Variants in ZPBP observed in about 807,000 individuals in gnomAD.
ZPBP encodes the protein zona pellucida-binding protein 1.
In ZPBP, 26 loss-of-function variants were observed where a neutral mutation model predicts 44.8. That is an observed-to-expected ratio of 0.58 (90% CI 0.43 to 0.81). The LOEUF (loss-of-function observed/expected upper bound fraction) is 0.81. Among genes scored for constraint, ZPBP ranks in the 30% least tolerant of loss-of-function variants. ZPBP has a pLI of 0.00. For synonymous variants in ZPBP, 174 were observed against 153.2 expected (o/e 1.14, Z -1.00); for missense variants, 409 against 434.0 (o/e 0.94, Z 0.51).
chr7:50,011,445 T>A (rs1798579241), intron 6 of ZPBP, among the ~76,000 whole-genome samples: 1 of 152,110 alleles, frequency 6.6e-6, no homozygotes, highest in Non-Finnish European at 1.5e-5. Context: ...GCCCACAAAG[T>A]CTAAAATATT....
chr7:50,014,557 C>A (rs931049882), intron 6 of ZPBP, among the ~76,000 whole-genome samples: 2 of 150,714 alleles, frequency 1.3e-5, no homozygotes, highest in Non-Finnish European at 3.0e-5. Flanking sequence ...CTTCACCTCC[C>A]GGGTTCAAGT....
chr7:50,001,468 A>C (rs752753719), intron 6 of ZPBP, among the ~76,000 whole-genome samples: 1 of 152,188 alleles, frequency 6.6e-6, no homozygotes, highest in African/African-American at 2.4e-5. Flanking sequence ...GGGGGAAAAA[A>C]ACTTAAGAAA....
intron 2 of ZPBP, among the ~76,000 whole-genome samples, chr7:49,887,437 T>C (rs975814325): frequency 1.4e-4 from 21 of 152,246 alleles, no homozygotes; most frequent in Non-Finnish European, 2.9e-4. Context: ...TAAATGTGGT[T>C]ATATAATTGA....
At chr7:49,863,379 G>A (rs2128941) in intron 2 of ZPBP, among the ~76,000 whole-genome samples, 63,015 of 151,890 alleles carry the variant, frequency 0.41, 13,459 homozygotes, top group Non-Finnish European at 0.47. Context: ...TGTCAGTTTT[G>A]TTGATCTTTA....
chr7:50,028,826 T>A (rs1270624845), intron 5 of ZPBP, among the ~76,000 whole-genome samples: 8 of 128,722 alleles, frequency 6.2e-5, no homozygotes, highest in African/African-American at 2.6e-4. Flanking sequence ...AAAATGCTGC[T>A]GAAAGAAATT....
In ZPBP at chr7:49,902,824, A is replaced by T. The variant is rs1792843822; in HGVS notation, n.412-1609T>A. 2.0e-5 allele frequency among the ~76,000 whole-genome samples: 3 copies of T among 152,130 alleles called. 1 individual carries two copies. In the South Asian group the frequency reaches 6.2e-4, roughly 31 times the overall value. On this transcript the variant is annotated intron_variant and non_coding_transcript_variant, in intron 1 of 2. Transcript: ENST00000465922. ...TTCTTTTATCAAAGACCCCTTTAAG[A>T]TGATAGAAAGCTACAAGCTCAGATA...
intron 3 of ZPBP, among the ~76,000 whole-genome samples, chr7:50,058,751 G>A (rs745355804): frequency 2.1e-4 from 32 of 152,118 alleles, no homozygotes; most frequent in Non-Finnish European, 3.8e-4. Flanking sequence ...TGCAGTGCTG[G>A]GGGTTAGAAT....
chr7:49,990,798 T>C (rs1254670055), intron 6 of ZPBP, among the ~76,000 whole-genome samples: 2 of 152,184 alleles, frequency 1.3e-5, no homozygotes, highest in Non-Finnish European at 2.9e-5. Flanking sequence ...TGAATAAATA[T>C]GACTGGAACA....
At chr7:49,874,789 C>T (rs1451007432) in intron 2 of ZPBP, among the ~76,000 whole-genome samples, 4 of 152,158 alleles carry the variant, frequency 2.6e-5, no homozygotes, top group Non-Finnish European at 1.5e-5. Flanking sequence ...AGGAGCCTCA[C>T]GTCTCACTTG....
chr7:49,909,360 A>T (rs145424678), intron 1 of ZPBP, among the ~76,000 whole-genome samples: 1 of 8,774 alleles, frequency 1.1e-4, no homozygotes. Flanking sequence ...AGCTCGAGCC[A>T]AAATATGAGT....
rs546835836 is a variant in ZPBP at position 49,931,302 on chromosome 7, G to A, written n.411+4449C>T. 5.3e-5 allele frequency among the ~76,000 whole-genome samples: 8 copies of A among 152,314 alleles called. No individual in the cohort carries two copies. The South Asian group carries it at 1.2e-3, about 24-fold the overall frequency. On this transcript the variant is annotated intron_variant and non_coding_transcript_variant, in intron 1 of 2. Coordinates refer to the ZPBP transcript ENST00000465922. Reference sequence around the variant, plus strand: ...GAACTAGGTAACGGGCAGAGGTTGGGACAGTTTGGAGGGCTCAGAAGAAGA... The same window carrying A: ...GAACTAGGTAACGGGCAGAGGTTGGAACAGTTTGGAGGGCTCAGAAGAAGA...
intron 6 of ZPBP, among the ~76,000 whole-genome samples, chr7:50,001,216 A>G (rs1798081516): frequency 6.6e-6 from 1 of 152,184 alleles, no homozygotes. Flanking sequence ...TTGTGCAGAA[A>G]TGAAGAACAT....
intron 1 of ZPBP, among the ~76,000 whole-genome samples, chr7:50,091,379 G>T (rs913795932): frequency 6.6e-6 from 1 of 152,076 alleles, no homozygotes; most frequent in Non-Finnish European, 1.5e-5. Context: ...ATTTGCTTTT[G>T]GGTTCTTGGA....
intron 7 of ZPBP, among the ~76,000 whole-genome samples, chr7:49,945,272 A>G (rs1795055815): frequency 6.6e-6 from 1 of 152,080 alleles, no homozygotes; most frequent in Admixed American, 6.6e-5. Flanking sequence ...CATATGGCCT[A>G]TCTTTGAGGA....
At chr7:49,845,059 T>C in the ZPBP span, among the ~76,000 whole-genome samples, 1 of 152,090 alleles carries the variant, frequency 6.6e-6, no homozygotes, top group Non-Finnish European at 1.5e-5. Flanking sequence ...ATGTTCTCAC[T>C]TATAAATGGG....
intron 2 of ZPBP, among the ~76,000 whole-genome samples, chr7:50,087,996 T>C (rs778830713): frequency 2.0e-5 from 3 of 151,932 alleles, no homozygotes; most frequent in Non-Finnish European, 4.4e-5. Flanking sequence ...AAAGAACAAA[T>C]TTGAAGGACT....
chr7:49,881,952 C>A (rs1186446087), intron 2 of ZPBP, among the ~76,000 whole-genome samples: 1 of 151,214 alleles, frequency 6.6e-6, no homozygotes, highest in Non-Finnish European at 1.5e-5. Context: ...TTAAATTTGT[C>A]TTGAAAATAA....
intron 7 of ZPBP, among the ~76,000 whole-genome samples, chr7:49,947,046 T>C (rs796435946): frequency 4.6e-5 from 7 of 152,244 alleles, no homozygotes; most frequent in African/African-American, 1.7e-4. Flanking sequence ...TGATGCTTTT[T>C]AATTATTTCA....
At chr7:49,861,729 A>G (rs1790659729) in intron 2 of ZPBP, among the ~76,000 whole-genome samples, 1 of 152,224 alleles carries the variant, frequency 6.6e-6, no homozygotes, top group Non-Finnish European at 1.5e-5. Flanking sequence ...TAGTTGTCCC[A>G]GCACCATTTC....
Sources: allele counts gnomAD v4.1 joint callset (sites outside exome capture counted in the v4.1 genomes callset), GRCh38; gene constraint gnomAD v4.1.1; transcripts MANE v1.5; gene names NCBI Gene and HGNC (gene_info 2026-07-23, HGNC 2026-07-21).